SDF2: variants seen among roughly 807,000 people sequenced by gnomAD.
SDF2 encodes the protein stromal cell derived factor 2, also known as stromal cell-derived factor 2.
In SDF2, 12 loss-of-function variants were observed where a neutral mutation model predicts 20.5. The observed-to-expected ratio is 0.58, with a 90% CI of 0.37 to 0.95. SDF2 has a LOEUF of 0.95. Ranked by LOEUF, SDF2 falls within the 40% of genes least tolerant of loss-of-function variation. SDF2 has a pLI of 0.01. For synonymous variants in SDF2, 100 were observed against 101.0 expected (o/e 0.99, Z 0.06); for missense variants, 238 against 263.1 (o/e 0.90, Z 0.66).
At chr17:28,654,721 G>A (rs2071942576) in intron 2 of SDF2, among the ~76,000 whole-genome samples, 2 of 152,118 alleles carry the variant, frequency 1.3e-5, no homozygotes, top group South Asian at 2.1e-4. Context: ...GGAGGCCGAA[G>A]TGGGCAGATC....
chr17:28,650,532 T>C (rs2071905215), intron 2 of SDF2, among the ~76,000 whole-genome samples: 1 of 151,792 alleles, frequency 6.6e-6, no homozygotes, highest in African/African-American at 2.4e-5. Context: ...ATGCCTGTAA[T>C]CCCAGTAATT....
intron 2 of SDF2, among the ~76,000 whole-genome samples, chr17:28,652,834 A>G (rs2071926334): frequency 6.6e-6 from 1 of 152,252 alleles, no homozygotes; most frequent in Non-Finnish European, 1.5e-5. Context: ...GCAGGCACAT[A>G]TACACAAAAA....
chr17:28,649,554 G>A (rs919238637), intron 2 of SDF2, among the ~76,000 whole-genome samples: 1 of 151,996 alleles, frequency 6.6e-6, no homozygotes, highest in African/African-American at 2.4e-5. Context: ...GACCGACATG[G>A]AGAAACCCTG....
chr17:28,653,071 T>TA (rs2151581727), intron 2 of SDF2, among the ~76,000 whole-genome samples: 1 of 152,312 alleles, frequency 6.6e-6, no homozygotes, highest in South Asian at 2.1e-4. Flanking sequence ...TATTCCACCC[T>TA]AATGTAGACA....
chr17:28,650,138 G>C (rs1248032276), intron 2 of SDF2, among the ~76,000 whole-genome samples: 1 of 151,644 alleles, frequency 6.6e-6, no homozygotes, highest in Non-Finnish European at 1.5e-5. Flanking sequence ...TTTTAGTAGA[G>C]ACAGGGTTTC....
At chr17:28,649,485 G>A (rs117087671) in intron 2 of SDF2, among the ~76,000 whole-genome samples, 16 of 151,934 alleles carry the variant, frequency 1.1e-4, no homozygotes, top group East Asian at 7.8e-4. Flanking sequence ...ATGGTGAAAC[G>A]CTATCCCTAA....
At chr17:28,652,336 A>T (rs2071921773) in intron 2 of SDF2, among the ~76,000 whole-genome samples, 1 of 152,020 alleles carries the variant, frequency 6.6e-6, no homozygotes, top group Admixed American at 6.6e-5. Context: ...TTTGAGACAG[A>T]GTCTCGCCCT....
intron 1 of SDF2, 116 bp from the exon 2 acceptor site, chr17:28,655,599 AG>A: frequency 1.2e-6 from 1 of 853,806 alleles, no homozygotes; most frequent in Non-Finnish European, 1.9e-6. Context: ...ACCATGACCA[AG>A]GAAGACACGC....
intron 1 of SDF2, among the ~76,000 whole-genome samples, chr17:28,656,837 A>G (rs1390561038): frequency 6.6e-6 from 1 of 152,210 alleles, no homozygotes; most frequent in Non-Finnish European, 1.5e-5. Context: ...AACTATTATG[A>G]TAAAAATTTT....
intron 2 of SDF2, among the ~76,000 whole-genome samples, chr17:28,653,175 A>G (rs561571190): frequency 2.6e-5 from 4 of 152,360 alleles, no homozygotes; most frequent in Non-Finnish European, 5.9e-5. Flanking sequence ...GAATAACTTT[A>G]CAGGAGAAAC....
At chr17:28,658,841 C>G (rs1275760924) in intron 1 of SDF2, among the ~76,000 whole-genome samples, 2 of 152,196 alleles carry the variant, frequency 1.3e-5, no homozygotes, top group African/African-American at 4.8e-5. Flanking sequence ...AGCGGCCAGG[C>G]AGAGGCGCTC....
chr17:28,654,480 G>C (rs1375028926), intron 2 of SDF2, among the ~76,000 whole-genome samples: 2 of 151,716 alleles, frequency 1.3e-5, no homozygotes, highest in East Asian at 3.9e-4. Context: ...TGGTTTAGTT[G>C]TTGTCTCCAC....
At position 28,659,795 on chromosome 17, in the gene SDF2, G is replaced by A. The variant is rs529156473; in HGVS notation, c.151+1931C>T. 1.4e-3 allele frequency among the ~76,000 whole-genome samples: 201 copies of A among 143,240 alleles called. 1 individual carries two copies. Among genetic ancestry groups the A allele is most frequent in the Middle Eastern group, 3.9e-3 (1 of 254 alleles). The allele number at this position is 143,240 out of a possible 152,430, so 94.0% of individuals were successfully genotyped here. A position where few individuals can be genotyped will look rare whatever the true frequency, so the allele number is the denominator to read the frequency against. Reference sequence around the variant, plus strand: ...CAGAGGCGCTCCTCACATCCCAGACGATGGGCGGCCAGGCAGAGACGCTCC... The same window carrying A: ...CAGAGGCGCTCCTCACATCCCAGACAATGGGCGGCCAGGCAGAGACGCTCC... On this transcript the variant is annotated intron_variant, in intron 1 of 2. Coordinates refer to ENST00000247020, the MANE Select transcript of SDF2 (RefSeq NM_006923.4).
chr17:28,657,331 G>A (rs906281894), intron 1 of SDF2, among the ~76,000 whole-genome samples: 1 of 152,098 alleles, frequency 6.6e-6, no homozygotes, highest in Non-Finnish European at 1.5e-5. Flanking sequence ...AGGATCCCTT[G>A]AGTCCAGGAG....
chr17:28,655,565 A>C, intron 1 of SDF2, 82 bp from the exon 2 acceptor site: 11 of 1,225,694 alleles, frequency 9.0e-6, no homozygotes, highest in Non-Finnish European at 1.3e-5. Flanking sequence ...TGCGCTCAAG[A>C]TTCACCTTCA....
intron 1 of SDF2, among the ~76,000 whole-genome samples, chr17:28,656,771 C>A (rs1431651972): frequency 9.2e-5 from 14 of 151,994 alleles, no homozygotes; most frequent in Admixed American, 6.6e-4. Flanking sequence ...CTGGATAGCC[C>A]CTAATGTGTC....
At chr17:28,659,946 G>A (rs2072007959) in intron 1 of SDF2, among the ~76,000 whole-genome samples, 1 of 152,224 alleles carries the variant, frequency 6.6e-6, no homozygotes, top group Admixed American at 6.5e-5. Context: ...TCCAGCCTGG[G>A]CAACACTGAG....
At chr17:28,653,466 G>A (rs899679282) in intron 2 of SDF2, among the ~76,000 whole-genome samples, 3 of 152,216 alleles carry the variant, frequency 2.0e-5, no homozygotes, top group Admixed American at 6.5e-5. Flanking sequence ...AGCCTAATGA[G>A]ACATGGCAAG....
At chr17:28,655,714 A>G (rs2071956007) in intron 1 of SDF2, 2 of 593,108 alleles carry the variant, frequency 3.4e-6, no homozygotes, top group East Asian at 5.7e-5. Context: ...CCAAAGCCTT[A>G]GACAAGGGCC....
Sources: allele counts gnomAD v4.1 joint callset (sites outside exome capture counted in the v4.1 genomes callset), GRCh38; gene constraint gnomAD v4.1.1; transcripts MANE v1.5; gene names NCBI Gene and HGNC (gene_info 2026-07-23, HGNC 2026-07-21).